The following DCC variants were observed in gnomAD, a reference collection of about 807,000 sequenced individuals.
DCC encodes the protein netrin receptor DCC.
A neutral mutation model predicts 172.5 loss-of-function variants in DCC; 58 were observed. The observed-to-expected ratio is 0.34, with a 90% CI of 0.27 to 0.42. DCC has a LOEUF of 0.42. Ranked by LOEUF, DCC falls within the 10% of genes least tolerant of loss-of-function variation. DCC has a pLI of 1.00. For missense variants in DCC, 1,740 were observed against 1,791.0 expected (o/e 0.97, Z 0.51); for synonymous variants, 709 against 644.5 (o/e 1.10, Z -1.52).
At position 53,267,650 on chromosome 18, in the gene DCC, C is replaced by T. The variant is rs1306372960; in HGVS notation, c.1912-37928C>T. Reference sequence around the variant, plus strand: ...ATTTTTTTTAGTTTTATTTTTTGTACAGACGGGGTCACACCATCATGCCCA... The same window carrying T: ...ATTTTTTTTAGTTTTATTTTTTGTATAGACGGGGTCACACCATCATGCCCA... On this transcript the variant is annotated intron_variant, in intron 12 of 28. Coordinates refer to ENST00000442544, the MANE Select transcript of DCC (RefSeq NM_005215.4). Among the ~76,000 whole-genome samples the T allele has an allele frequency of 2.0e-5, 3 of 152,018 alleles. No homozygotes were observed. In the East Asian group the frequency reaches 5.8e-4, roughly 29 times the overall value.
chr18:52,541,873 G>GTATATA (rs1286782640), intron 1 of DCC, among the ~76,000 whole-genome samples: 303 of 30,002 alleles, frequency 0.01, no homozygotes, highest in Middle Eastern at 0.018. Context: ...ATGTGTGTGT[G>GTATATA]TGTATATATA....
intron 25 of DCC, among the ~76,000 whole-genome samples, chr18:53,482,265 T>C (rs2045841625): frequency 2.0e-5 from 3 of 152,210 alleles, no homozygotes; most frequent in Admixed American, 6.6e-5. Context: ...AGCTTTGGGA[T>C]ACTGGCTATT....
chr18:52,595,106 G>A (rs780818289), intron 1 of DCC, among the ~76,000 whole-genome samples: 1 of 152,156 alleles, frequency 6.6e-6, no homozygotes, highest in Non-Finnish European at 1.5e-5. Context: ...GGATCATCCT[G>A]CCAATGCCTT....
chr18:52,831,113 G>C (rs2038606936), intron 2 of DCC, among the ~76,000 whole-genome samples: 1 of 152,096 alleles, frequency 6.6e-6, no homozygotes, highest in African/African-American at 2.4e-5. Flanking sequence ...TCTTGGAGAA[G>C]AATATTTCAG....
Position 52,837,135 on chromosome 18 carries a change from A to G in DCC, c.413-68909A>G, listed in dbSNP as rs551413905. Among the ~76,000 whole-genome samples the G allele has an allele frequency of 2.2e-4, 33 of 152,318 alleles. No individual in the cohort carries two copies. The South Asian group carries it at 6.6e-3, about 31-fold the overall frequency. The stretch of plus-strand genomic sequence containing the variant: ...GGCACCAAGTCCCTAGGCTGCACAC[A>G]GCAGGAGGGGCTCTGGGTTGGGCCC... On this transcript the variant is annotated intron_variant, in intron 2 of 28. Transcript: ENST00000442544.
At chr18:52,787,222 T>C (rs1356470950) in intron 2 of DCC, among the ~76,000 whole-genome samples, 1 of 152,168 alleles carries the variant, frequency 6.6e-6, no homozygotes, top group Non-Finnish European at 1.5e-5. Context: ...GTTTGACACA[T>C]AAACATTTCA....
intron 18 of DCC, among the ~76,000 whole-genome samples, chr18:53,401,640 C>T (rs910733308): frequency 1.1e-5 from 1 of 94,576 alleles, no homozygotes; most frequent in African/African-American, 3.0e-5. Context: ...TCTTTTCCTA[C>T]ACAGAATTTT....
chr18:53,074,670 A>G (rs1056494440), intron 7 of DCC, among the ~76,000 whole-genome samples: 2 of 152,162 alleles, frequency 1.3e-5, no homozygotes, highest in African/African-American at 4.8e-5. Context: ...GTTGACACCC[A>G]TGCTAACATT....
At chr18:53,175,124 G>C (rs373804016) in intron 8 of DCC, among the ~76,000 whole-genome samples, 41 of 152,108 alleles carry the variant, frequency 2.7e-4, no homozygotes, top group African/African-American at 5.5e-4. Flanking sequence ...CAAAATTCAA[G>C]AACCCTTCAT....
At chr18:52,389,644 A>T (rs1486503337) in intron 1 of DCC, among the ~76,000 whole-genome samples, 1 of 150,326 alleles carries the variant, frequency 6.7e-6, no homozygotes, top group Non-Finnish European at 1.5e-5. Flanking sequence ...ACTTATAAAA[A>T]ATTACTTCTA....
intron 2 of DCC, among the ~76,000 whole-genome samples, chr18:52,868,053 A>ATATATGTGTGTG (rs61579666): frequency 1.4e-5 from 2 of 144,326 alleles, no homozygotes; most frequent in African/African-American, 5.2e-5. Flanking sequence ...ATATATATAT[A>ATATATGTGTGTG]TGTGTGTGTG....
At chr18:52,631,460 A>T (rs1385512668) in intron 1 of DCC, among the ~76,000 whole-genome samples, 1 of 152,336 alleles carries the variant, frequency 6.6e-6, no homozygotes, top group African/African-American at 2.4e-5. Context: ...CAACTAATTT[A>T]TACTCTAGTA....
intron 12 of DCC, among the ~76,000 whole-genome samples, chr18:53,277,527 G>A (rs1416709261): frequency 6.6e-6 from 1 of 152,148 alleles, no homozygotes; most frequent in Non-Finnish European, 1.5e-5. Context: ...GGAATGGTTT[G>A]TCTCATTCAA....
At chr18:53,445,033 A>G (rs1165809181) in intron 22 of DCC, among the ~76,000 whole-genome samples, 2 of 152,194 alleles carry the variant, frequency 1.3e-5, no homozygotes, top group African/African-American at 4.8e-5. Context: ...AATTCACATC[A>G]GCATATTAAA....
At chr18:52,988,757 A>G (rs2041335175) in intron 5 of DCC, among the ~76,000 whole-genome samples, 1 of 152,100 alleles carries the variant, frequency 6.6e-6, no homozygotes, top group South Asian at 2.1e-4. Context: ...TGTAACCTTT[A>G]TATATGTTCT....
chr18:52,633,313 C>A (rs2034712267), intron 1 of DCC, among the ~76,000 whole-genome samples: 2 of 152,138 alleles, frequency 1.3e-5, no homozygotes, highest in Admixed American at 6.5e-5. Context: ...CAACAATTGG[C>A]AAGAGGGCTG....
chr18:52,897,504 T>C (rs4442912), intron 2 of DCC, among the ~76,000 whole-genome samples: 1 of 152,090 alleles, frequency 6.6e-6, no homozygotes, highest in Non-Finnish European at 1.5e-5. Flanking sequence ...TTTTTCTTTC[T>C]GTAAATATTT....
chr18:52,384,119 G>A (rs1433938436), intron 1 of DCC, among the ~76,000 whole-genome samples: 1 of 151,700 alleles, frequency 6.6e-6, no homozygotes, highest in Non-Finnish European at 1.5e-5. Context: ...AATTTCTTAT[G>A]ACTAGAAACT....
intron 3 of DCC, among the ~76,000 whole-genome samples, chr18:52,914,629 G>A (rs2040015376): frequency 1.4e-5 from 2 of 146,760 alleles, no homozygotes; most frequent in African/African-American, 5.0e-5. Context: ...GGATTAGGCT[G>A]GTTTTTCAAT....
Sources: gnomAD v4.1 joint callset for allele counts (sites outside exome capture counted in the v4.1 genomes callset) on GRCh38, gnomAD v4.1.1 for gene constraint, MANE v1.5 for transcripts, NCBI Gene and HGNC (gene_info 2026-07-23, HGNC 2026-07-21) for gene names.